The following SOBP variants were observed in gnomAD, a reference collection of about 807,000 sequenced individuals.
SOBP encodes sine oculis-binding protein homolog.
A neutral mutation model predicts 53.6 loss-of-function variants in SOBP; 4 were observed. That is an observed-to-expected ratio of 0.07 (90% CI 0.04 to 0.17). The LOEUF is 0.17. SOBP is among the 10% of genes least tolerant of loss of function. The pLI, the probability that SOBP is intolerant of heterozygous loss-of-function variation, is 1.00. For missense variants in SOBP, 1,088 were observed against 1,204.7 expected (o/e 0.90, Z 1.43); for synonymous variants, 584 against 522.6 (o/e 1.12, Z -1.60).
intron 4 of SOBP, among the ~76,000 whole-genome samples, chr6:107,578,048 T>C (rs1785287776): frequency 7.4e-6 from 1 of 135,768 alleles, no homozygotes; most frequent in Non-Finnish European, 1.5e-5. Context: ...CGCTCCAGCC[T>C]GGGCTACAGA....
chr6:107,510,359 C>A (rs1025530518), intron 3 of SOBP, among the ~76,000 whole-genome samples: 1 of 152,022 alleles, frequency 6.6e-6, no homozygotes, highest in African/African-American at 2.4e-5. Context: ...TGGACTTTGC[C>A]GAGGTGCAGT....
At chr6:107,620,711 T>G (rs1248499328) in intron 5 of SOBP, among the ~76,000 whole-genome samples, 1 of 152,260 alleles carries the variant, frequency 6.6e-6, no homozygotes, top group African/African-American at 2.4e-5. Flanking sequence ...ACACCTTTTA[T>G]TTCACTCTTA....
At chr6:107,642,715 C>T (rs949658900) in intron 6 of SOBP, among the ~76,000 whole-genome samples, 10 of 152,158 alleles carry the variant, frequency 6.6e-5, no homozygotes, top group African/African-American at 2.4e-4. Flanking sequence ...CCCCTCTGAA[C>T]CTCTGGTTTG....
At chr6:107,598,773 G>T (rs1225539954) in intron 5 of SOBP, among the ~76,000 whole-genome samples, 1 of 152,174 alleles carries the variant, frequency 6.6e-6, no homozygotes, top group Non-Finnish European at 1.5e-5. Flanking sequence ...GCAAGAAAGT[G>T]ACTCTGCAAA....
chr6:107,622,839 TA>T (rs929031413), intron 5 of SOBP, among the ~76,000 whole-genome samples: 2 of 152,228 alleles, frequency 1.3e-5, no homozygotes, highest in African/African-American at 4.8e-5. Flanking sequence ...AGCAGACATT[TA>T]AAAAATACAT....
intron 4 of SOBP, among the ~76,000 whole-genome samples, chr6:107,586,096 A>T (rs575696889): frequency 6.6e-6 from 1 of 152,068 alleles, no homozygotes; most frequent in South Asian, 2.1e-4. Flanking sequence ...CCTTTTTCCT[A>T]CTTCACTAGG....
At chr6:107,656,238 T>C (rs1324349889) in intron 6 of SOBP, among the ~76,000 whole-genome samples, 1 of 152,054 alleles carries the variant, frequency 6.6e-6, no homozygotes, top group Non-Finnish European at 1.5e-5. Context: ...TTGGTGCTTT[T>C]ATTTTTGTAT....
At chr6:107,631,919 AAG>A (rs1770730601) in intron 5 of SOBP, among the ~76,000 whole-genome samples, 1 of 152,244 alleles carries the variant, frequency 6.6e-6, no homozygotes, top group African/African-American at 2.4e-5. Context: ...CGAGAAGGAA[AAG>A]AGTGGATTTA....
intron 4 of SOBP, among the ~76,000 whole-genome samples, chr6:107,563,873 C>T (rs572334922): frequency 7.0e-4 from 107 of 152,264 alleles, no homozygotes; most frequent in Middle Eastern, 3.4e-3. Context: ...TGGACCAGCA[C>T]CAGCTACTGG....
intron 6 of SOBP, among the ~76,000 whole-genome samples, chr6:107,644,785 A>T (rs1771485039): frequency 6.6e-6 from 1 of 152,234 alleles, no homozygotes; most frequent in Non-Finnish European, 1.5e-5. Flanking sequence ...TAAAATACAC[A>T]TGGGTTTGAA....
intron 6 of SOBP, among the ~76,000 whole-genome samples, chr6:107,646,266 C>A (rs1174297978): frequency 6.6e-6 from 1 of 152,242 alleles, no homozygotes; most frequent in Non-Finnish European, 1.5e-5. Context: ...GTGAGAAGAA[C>A]TTTCTTTGTG....
At chr6:107,516,477 CAA>C (rs577976911) in intron 3 of SOBP, among the ~76,000 whole-genome samples, 14 of 115,984 alleles carry the variant, frequency 1.2e-4, no homozygotes, top group Non-Finnish European at 1.3e-4. Flanking sequence ...GACTCTGTCT[CAA>C]AAAAAAAAAA....
Position 107,659,221 on chromosome 6 carries a change from C to G in SOBP, c.*1018C>G, listed in dbSNP as rs1772195002. On this transcript the variant is annotated 3_prime_UTR_variant, in exon 7 of 7. Transcript: ENST00000317357. Reference sequence around the variant, plus strand: ...TTCATGATAATTAGAATGGTATGGACAAACCAATGAAAACAAGAGGGAAAG... The same window carrying G: ...TTCATGATAATTAGAATGGTATGGAGAAACCAATGAAAACAAGAGGGAAAG... 1 of 152,596 alleles carries G rather than the reference C, an allele frequency of 6.6e-6. No individual in the cohort carries two copies. The highest frequency in any genetic ancestry group is 1.5e-5 in the Non-Finnish European group (1 of 68,042). 9.5% of individuals were successfully genotyped at this position (152,596 alleles called of 1,614,324 possible).
intron 3 of SOBP, among the ~76,000 whole-genome samples, chr6:107,521,422 T>A (rs940627442): frequency 2.0e-5 from 3 of 152,208 alleles, no homozygotes; most frequent in Admixed American, 6.5e-5. Flanking sequence ...AAAGGTCAAA[T>A]TACATTCTAG....
At chr6:107,649,603 ATTC>A (rs1771717363) in intron 6 of SOBP, among the ~76,000 whole-genome samples, 2 of 151,954 alleles carry the variant, frequency 1.3e-5, no homozygotes, top group Non-Finnish European at 2.9e-5. Context: ...CTATCATGTA[ATTC>A]TTCTTTATTC....
intron 3 of SOBP, among the ~76,000 whole-genome samples, chr6:107,519,946 C>T (rs1251015850): frequency 6.6e-6 from 1 of 152,066 alleles, no homozygotes; most frequent in African/African-American, 2.4e-5. Flanking sequence ...GTACAGAAGT[C>T]CACAGTGAAA....
intron 3 of SOBP, among the ~76,000 whole-genome samples, chr6:107,508,803 G>A (rs549389653): frequency 2.6e-5 from 4 of 152,086 alleles, no homozygotes; most frequent in South Asian, 2.1e-4. Context: ...CATATTTTAC[G>A]TAGGCCAAGT....
chr6:107,635,485 G>C lies in SOBP; in HGVS notation c.*3+16G>C, dbSNP rs750131195. On this transcript the variant is annotated intron_variant, in intron 6 of 6. Transcript: ENST00000317357. This position sits in a 1 kb window ranked among gnomAD's most constrained non-coding sequence, Gnocchi z 4.5. ...TAAGTAAAAGGTTTGTATGTCCGCC[G>C]GGCGCTCCTCCACACCAGCCAGTGC... 6.2e-7 allele frequency: 1 copy of C among 1,611,488 alleles called. No individual in the cohort carries two copies. The highest frequency in any genetic ancestry group is 2.2e-5 in the East Asian group (1 of 44,884).
At chr6:107,595,373 T>TTTTTTTTTTTTTTTTTTTTTTTA (rs1785910997) in intron 5 of SOBP, among the ~76,000 whole-genome samples, 1 of 148,702 alleles carries the variant, frequency 6.7e-6, no homozygotes. Context: ...TTTTTTTTTT[T>TTTTTTTTTTTTTTTTTTTTTTTA]AGGATCACTA....
Sources: allele counts gnomAD v4.1 joint callset (sites outside exome capture counted in the v4.1 genomes callset), GRCh38; gene constraint gnomAD v4.1.1; non-coding constraint Gnocchi (gnomAD v3.1); transcripts MANE v1.5; gene names NCBI Gene and HGNC (gene_info 2026-07-23, HGNC 2026-07-21).